Variants in VWA3B observed in about 807,000 individuals in gnomAD.
VWA3B encodes von Willebrand factor A domain-containing protein 3B.
A neutral mutation model predicts 158.3 loss-of-function variants in VWA3B; 138 were observed. The ratio of observed to expected loss-of-function variants is 0.87; its 90% confidence interval spans 0.76 to 1.00. The LOEUF (loss-of-function observed/expected upper bound fraction) is 1.00, where lower values mean the gene tolerates loss of function less well. VWA3B is among the 50% of genes least tolerant of loss of function. VWA3B has a pLI of 0.00. For synonymous variants in VWA3B, 596 were observed against 587.3 expected (o/e 1.01, Z -0.21); for missense variants, 1,555 against 1,565.1 (o/e 0.99, Z 0.11).
At chr2:98,321,124 C>T in the VWA3B span, among the ~76,000 whole-genome samples, 50 of 152,236 alleles carry the variant, frequency 3.3e-4, no homozygotes, top group African/African-American at 1.2e-3. Flanking sequence ...AGCACCAAAC[C>T]TTTGCAGCTT....
intron 3 of VWA3B, among the ~76,000 whole-genome samples, chr2:98,118,902 A>C (rs754106451): frequency 2.6e-5 from 4 of 152,204 alleles, no homozygotes; most frequent in Non-Finnish European, 5.9e-5. Context: ...TTATTTGTAC[A>C]TACAAGAAAC....
intron 7 of VWA3B, among the ~76,000 whole-genome samples, chr2:98,144,693 A>G (rs913967994): frequency 6.6e-6 from 1 of 151,784 alleles, no homozygotes; most frequent in Non-Finnish European, 1.5e-5. Context: ...CAGCCTCCCA[A>G]ATAGCTGGGC....
At chr2:98,273,979 TA>T (rs1184094562) in intron 22 of VWA3B, among the ~76,000 whole-genome samples, 2 of 152,164 alleles carry the variant, frequency 1.3e-5, no homozygotes, top group Non-Finnish European at 2.9e-5. Flanking sequence ...TTAATTGAAT[TA>T]ATTGTTCTAT....
rs200074561 is a variant in VWA3B, at chr2:98,173,957, AC to A, written c.1115-7058del. Among the ~76,000 whole-genome samples the A allele has an allele frequency of 6.4e-3, 927 of 144,180 alleles. 8 individuals carry two copies. The highest frequency in any genetic ancestry group is 0.022 in the African/African-American group (897 of 41,040). 94.6% of individuals were successfully genotyped at this position (144,180 alleles called of 152,430 possible). On this transcript the variant is annotated intron_variant, in intron 8 of 27. Coordinates refer to ENST00000477737, the MANE Select transcript of VWA3B (RefSeq NM_144992.5). ...ACTCCAGCCTGGGCGACAGAGCGAG[AC>A]TCTGTCTCAAAAGAAAAAAAAAATG...
At chr2:98,194,783 T>TG (rs1275271177) in intron 12 of VWA3B, among the ~76,000 whole-genome samples, 1 of 147,988 alleles carries the variant, frequency 6.8e-6, no homozygotes, top group Admixed American at 6.8e-5. Flanking sequence ...CAAAACAGAG[T>TG]TTTTTTTTTG....
chr2:98,119,450 A>C (rs572302957), intron 3 of VWA3B, 63 bp from the exon 4 acceptor site: 5 of 1,558,726 alleles, frequency 3.2e-6, no homozygotes, highest in Admixed American at 1.7e-5. Flanking sequence ...CGGTGGCAGC[A>C]CTGTGGTTCA....
intron 19 of VWA3B, among the ~76,000 whole-genome samples, chr2:98,243,427 G>A (rs553142713): frequency 4.0e-5 from 6 of 151,880 alleles, no homozygotes; most frequent in South Asian, 2.1e-4. Flanking sequence ...TCTGTCTCCC[G>A]GGTTCAAGCA....
chr2:98,183,055 T>A (rs1468962963), intron 9 of VWA3B, among the ~76,000 whole-genome samples: 1 of 152,232 alleles, frequency 6.6e-6, no homozygotes, highest in African/African-American at 2.4e-5. Flanking sequence ...CTCATTCTTG[T>A]CAATTTTAAA....
At chr2:98,122,686 T>G (rs906388006) in intron 5 of VWA3B, among the ~76,000 whole-genome samples, 1 of 152,236 alleles carries the variant, frequency 6.6e-6, no homozygotes, top group Admixed American at 6.5e-5. Context: ...TCTATGAACC[T>G]GGCTATTGTG....
At chr2:98,118,905 C>T (rs1191438038) in intron 3 of VWA3B, among the ~76,000 whole-genome samples, 2 of 152,178 alleles carry the variant, frequency 1.3e-5, no homozygotes, top group Non-Finnish European at 2.9e-5. Flanking sequence ...TTTGTACATA[C>T]AAGAAACTTC....
intron 8 of VWA3B, 85 bp from the exon 9 acceptor site, chr2:98,180,931 C>T (rs908539590): frequency 2.4e-5 from 31 of 1,311,944 alleles, no homozygotes; most frequent in African/African-American, 5.9e-5. Context: ...ATAAAGAACA[C>T]GTTCCAAGTT....
At chr2:98,108,813 T>C (rs556265177) in intron 2 of VWA3B, among the ~76,000 whole-genome samples, 1 of 152,220 alleles carries the variant, frequency 6.6e-6, no homozygotes, top group South Asian at 2.1e-4. Context: ...CTCTATCTTT[T>C]ACTTGGTATA....
intron 2 of VWA3B, among the ~76,000 whole-genome samples, chr2:98,106,286 T>C (rs1405998344): frequency 2.6e-5 from 4 of 152,188 alleles, no homozygotes; most frequent in African/African-American, 4.8e-5. Context: ...ACTGTAACTA[T>C]AGAATTTCTT....
chr2:98,307,648 A>G (rs1365191104), intron 26 of VWA3B, among the ~76,000 whole-genome samples: 3 of 152,226 alleles, frequency 2.0e-5, no homozygotes, highest in Admixed American at 6.5e-5. Flanking sequence ...TTCTAAGAGA[A>G]GTTACTCGTT....
At chr2:98,092,538 G>A (rs1240345902) in intron 1 of VWA3B, among the ~76,000 whole-genome samples, 1 of 151,936 alleles carries the variant, frequency 6.6e-6, no homozygotes, top group African/African-American at 2.4e-5. Flanking sequence ...AGCTACTCAG[G>A]AGGCTGAGGC....
chr2:98,263,111 T>C lies in VWA3B; in HGVS notation c.2843+6937T>C, dbSNP rs368811932. On this transcript the variant is annotated intron_variant, in intron 21 of 27. Coordinates refer to ENST00000477737, the MANE Select transcript of VWA3B (RefSeq NM_144992.5). Reference sequence around the variant, plus strand: ...GTGTATAGAAATGCAACTTATTTTGTGTATTGATTTTATATCCTTTAAGTT... The same window carrying C: ...GTGTATAGAAATGCAACTTATTTTGCGTATTGATTTTATATCCTTTAAGTT... Among the ~76,000 whole-genome samples, 18 of 152,022 alleles carry C rather than the reference T, an allele frequency of 1.2e-4. No homozygotes were observed. In the South Asian group the frequency reaches 3.7e-3, roughly 31 times the overall value.
chr2:98,248,809 CTCTTTCTCTT>C (rs1558723969), intron 19 of VWA3B, among the ~76,000 whole-genome samples: 1 of 151,408 alleles, frequency 6.6e-6, no homozygotes, highest in African/African-American at 2.4e-5. Flanking sequence ...CTCTCTGTCT[CTCTTTCTCTT>C]TCTTTTTCTT....
chr2:98,305,379 A>G (rs573787984), intron 26 of VWA3B, among the ~76,000 whole-genome samples: 1 of 152,176 alleles, frequency 6.6e-6, no homozygotes, highest in East Asian at 1.9e-4. Flanking sequence ...GAGCATTGGA[A>G]CCAAGATTGG....
intron 6 of VWA3B, among the ~76,000 whole-genome samples, chr2:98,130,979 G>A (rs1463045891): frequency 1.3e-5 from 2 of 152,154 alleles, no homozygotes; most frequent in African/African-American, 4.8e-5. Context: ...ATACACTGTT[G>A]TTAACTATAG....
Sources: allele counts gnomAD v4.1 joint callset (sites outside exome capture counted in the v4.1 genomes callset), GRCh38; gene constraint gnomAD v4.1.1; transcripts MANE v1.5; gene names NCBI Gene and HGNC (gene_info 2026-07-23, HGNC 2026-07-21).